OR10R2: variants seen among roughly 807,000 people sequenced by gnomAD.
The protein encoded by OR10R2 is olfactory receptor 10R2.
In OR10R2, 1 loss-of-function variant was observed where a neutral mutation model predicts 2.4. The observed-to-expected ratio is 0.41, with a 90% CI of 0.15 to 1.95. The LOEUF (loss-of-function observed/expected upper bound fraction) is 1.95. Among genes scored for constraint, OR10R2 ranks in the 30% most tolerant of loss-of-function variants. The pLI is 0.30. For missense variants in OR10R2, 419 were observed against 373.0 expected, an observed-to-expected ratio of 1.12 and a Z score of -1.01; for synonymous variants, 166 against 144.8, an observed-to-expected ratio of 1.15 and a Z score of -1.05.
exon 2 of OR10R2, chr1:158,480,477 C>T (rs1036449449): frequency 1.2e-6 from 2 of 1,612,942 alleles, no homozygotes; most frequent in Admixed American, 1.7e-5. Context: ...ACTTCTGTGA[C>T]ATCTCAGCAG....
chr1:158,478,430 A>G (rs1420207336), intron 1 of OR10R2, among the ~76,000 whole-genome samples: 1 of 152,182 alleles, frequency 6.6e-6, no homozygotes, highest in East Asian at 1.9e-4. Flanking sequence ...AAAATTTCAT[A>G]TAAGCTAATT....
chr1:158,473,798 CTCTG>C (rs1414534574), intron 1 of OR10R2, among the ~76,000 whole-genome samples: 6 of 45,756 alleles, frequency 1.3e-4, no homozygotes, highest in East Asian at 1.1e-3. Context: ...CTCTTTCCCT[CTCTG>C]CTTCCTTCCT....
At position 158,480,808 on chromosome 1, in the gene OR10R2, AG is replaced by A; in HGVS notation, c.899del (p.Ser300ThrfsTer21). The A allele has an allele frequency of 6.2e-7, 1 of 1,610,526 alleles. No individual in the cohort carries two copies. Among genetic ancestry groups the A allele is most frequent in the Middle Eastern group, 1.7e-4 (1 of 5,990 alleles). ...TCCATTACTAAACCCCATGGTTTATAGCCTCAGAAACAAGGATGTCCAACTT... is the reference window on the plus strand; with the variant it reads ...TCCATTACTAAACCCCATGGTTTATACCTCAGAAACAAGGATGTCCAACTT... On this transcript the variant is annotated frameshift_variant, in exon 2 of 2. Transcript: ENST00000641067. LOFTEE classifies it high-confidence loss of function.
exon 2 of OR10R2, chr1:158,480,108 A>G: frequency 6.2e-7 from 1 of 1,613,360 alleles, no homozygotes; most frequent in Non-Finnish European, 8.5e-7. Flanking sequence ...GCCTCCACAC[A>G]CCAATGTACT....
At chr1:158,478,357 G>A (rs1656310860) in intron 1 of OR10R2, among the ~76,000 whole-genome samples, 1 of 152,126 alleles carries the variant, frequency 6.6e-6, no homozygotes, top group East Asian at 1.9e-4. Context: ...TATTGACAGA[G>A]AGAAGAGATT....
intron 1 of OR10R2, among the ~76,000 whole-genome samples, chr1:158,476,579 ATAAT>A (rs1355382211): frequency 4.2e-5 from 6 of 144,266 alleles, no homozygotes; most frequent in East Asian, 1.9e-4. Flanking sequence ...AAAAATTAAA[ATAAT>A]TAAACTTAAA....
At chr1:158,480,269 A>G (rs772768281) in exon 2 of OR10R2, 17 of 1,613,796 alleles carry the variant, frequency 1.1e-5, no homozygotes, top group Middle Eastern at 1.6e-4. Flanking sequence ...GCCATTACCA[A>G]CTGCCTGCTA....
chr1:158,473,812 TCCC>T (rs1336048606), intron 1 of OR10R2, among the ~76,000 whole-genome samples: 32 of 133,918 alleles, frequency 2.4e-4, no homozygotes, highest in African/African-American at 7.5e-4. Context: ...GCTTCCTTCC[TCCC>T]TCCTTCCCTC....
At chr1:158,475,826 A>AT (rs887512148) in intron 1 of OR10R2, among the ~76,000 whole-genome samples, 9 of 151,782 alleles carry the variant, frequency 5.9e-5, no homozygotes, top group Admixed American at 2.0e-4. Context: ...AATCCTTTAC[A>AT]TTTTTTTGTA....
intron 1 of OR10R2, among the ~76,000 whole-genome samples, chr1:158,473,713 C>T (rs1368792252): frequency 6.6e-6 from 1 of 151,970 alleles, no homozygotes; most frequent in Non-Finnish European, 1.5e-5. Flanking sequence ...TCTTTCCTTC[C>T]TTTTTTCTTC....
chr1:158,480,725 C>G, exon 2 of OR10R2: 2 of 1,612,616 alleles, frequency 1.2e-6, no homozygotes, highest in Non-Finnish European at 1.7e-6. Flanking sequence ...CTGAGGCCTA[C>G]AGCAAACTAT....
chr1:158,476,871 A>G (rs1026073549), intron 1 of OR10R2, among the ~76,000 whole-genome samples: 2 of 152,022 alleles, frequency 1.3e-5, no homozygotes, highest in East Asian at 3.9e-4. Context: ...GGCTGCTTGT[A>G]TGTCTTATTT....
intron 1 of OR10R2, among the ~76,000 whole-genome samples, chr1:158,478,533 T>C (rs866765583): frequency 6.6e-6 from 1 of 152,206 alleles, no homozygotes; most frequent in Non-Finnish European, 1.5e-5. Flanking sequence ...AAAGGTATAC[T>C]ACATTGCTTT....
chr1:158,478,743 G>C (rs1340654999), intron 1 of OR10R2, among the ~76,000 whole-genome samples: 2 of 152,142 alleles, frequency 1.3e-5, no homozygotes, highest in East Asian at 3.8e-4. Context: ...AAGAAGGAAG[G>C]TGATAAGGAT....
At chr1:158,480,789 A>G in exon 2 of OR10R2, 1 of 1,613,780 alleles carries the variant, frequency 6.2e-7, no homozygotes, top group Non-Finnish European at 8.5e-7. Flanking sequence ...TCACTCCATT[A>G]CTAAACCCCA....
rs548988618 is a variant in OR10R2, at chr1:158,472,839, C to T, written c.27+487C>T. Reference sequence around the variant, plus strand: ...AGATATTGCAGAATGGTCAAAAAGGCTATCCCTGGCACCAGTCTTAAGAAG... The same window carrying T: ...AGATATTGCAGAATGGTCAAAAAGGTTATCCCTGGCACCAGTCTTAAGAAG... On this transcript the variant is annotated intron_variant, in intron 1 of 1. Transcript: ENST00000641067. 2.6e-5 allele frequency among the ~76,000 whole-genome samples: 4 copies of T among 152,198 alleles called. No homozygotes were observed. In the East Asian group the frequency reaches 7.7e-4, roughly 29 times the overall value.
chr1:158,479,991 C>T (rs1656349276), exon 2 of OR10R2: 1 of 1,613,814 alleles, frequency 6.2e-7, no homozygotes. Context: ...TGGGTTTTTC[C>T]AGCCTTGGTG....
chr1:158,479,669 T>C (rs1193522681), intron 1 of OR10R2, among the ~76,000 whole-genome samples: 1 of 152,144 alleles, frequency 6.6e-6, no homozygotes, highest in Non-Finnish European at 1.5e-5. Context: ...TTATCTTGTA[T>C]TATTCTGGTG....
exon 2 of OR10R2, chr1:158,480,110 C>T (rs936892064): frequency 6.2e-7 from 1 of 1,613,490 alleles, no homozygotes; most frequent in African/African-American, 1.3e-5. Flanking sequence ...CTCCACACAC[C>T]AATGTACTTC....
Sources: gnomAD v4.1 joint callset for allele counts (sites outside exome capture counted in the v4.1 genomes callset) on GRCh38, gnomAD v4.1.1 for gene constraint, MANE v1.5 for transcripts, NCBI Gene and HGNC (gene_info 2026-07-23, HGNC 2026-07-21) for gene names.